Variants in C1QTNF3 observed in about 807,000 individuals in gnomAD.
C1QTNF3 encodes complement C1q tumor necrosis factor-related protein 3.
Under a neutral mutation model 32.6 loss-of-function variants are expected in C1QTNF3, and 26 were observed. The observed-to-expected ratio is 0.80, with a 90% CI of 0.58 to 1.11. C1QTNF3 has a LOEUF of 1.11. Ranked by LOEUF, C1QTNF3 falls within the 50% of genes least tolerant of loss-of-function variation. The probability of loss-of-function intolerance (pLI) is 0.00; values close to 1 mark genes in which losing one functional copy is unlikely to be tolerated. For missense variants in C1QTNF3, 362 were observed against 398.2 expected, an observed-to-expected ratio of 0.91 and a Z score of 0.77; for synonymous variants, 155 against 146.0, an observed-to-expected ratio of 1.06 and a Z score of -0.44.
chr5:34,143,537 A>T, the C1QTNF3 span, among the ~76,000 whole-genome samples: 1 of 152,218 alleles, frequency 6.6e-6, no homozygotes, highest in African/African-American at 2.4e-5. Flanking sequence ...AAGAAGAGTC[A>T]GGTCATATAT....
At chr5:34,239,621 G>A in the C1QTNF3 span, among the ~76,000 whole-genome samples, 1 of 151,924 alleles carries the variant, frequency 6.6e-6, no homozygotes, top group Non-Finnish European at 1.5e-5. Flanking sequence ...ACCCAACATG[G>A]AGCACCCAGA....
chr5:34,111,743 T>C, the C1QTNF3 span, among the ~76,000 whole-genome samples: 1 of 152,268 alleles, frequency 6.6e-6, no homozygotes, highest in Non-Finnish European at 1.5e-5. Flanking sequence ...ACCCAACAAA[T>C]TGGGTATGGC....
intron 5 of C1QTNF3, among the ~76,000 whole-genome samples, chr5:34,023,228 A>G (rs299609): frequency 0.42 from 63,289 of 151,876 alleles, 13,994 homozygotes; most frequent in South Asian, 0.66. Flanking sequence ...GAATAAACCC[A>G]CTCCCAACCT....
At chr5:34,244,392 A>G in the C1QTNF3 span, among the ~76,000 whole-genome samples, 6 of 152,190 alleles carry the variant, frequency 3.9e-5, no homozygotes, top group Admixed American at 2.0e-4. Context: ...CACACTGTGG[A>G]AAGGGACCCT....
the C1QTNF3 span, among the ~76,000 whole-genome samples, chr5:34,053,690 A>T: frequency 6.6e-6 from 1 of 152,200 alleles, no homozygotes; most frequent in Non-Finnish European, 1.5e-5. Context: ...CAGCCCATTT[A>T]ACCCATTTCC....
the C1QTNF3 span, among the ~76,000 whole-genome samples, chr5:34,223,721 G>A: frequency 2.6e-5 from 4 of 152,118 alleles, no homozygotes; most frequent in Admixed American, 1.3e-4. Flanking sequence ...TCTAACTGGT[G>A]TGAGATGGTA....
chr5:34,057,515 T>C, the C1QTNF3 span, among the ~76,000 whole-genome samples: 1 of 152,264 alleles, frequency 6.6e-6, no homozygotes, highest in African/African-American at 2.4e-5. Context: ...AGTGTCTGGC[T>C]ATCTCTAAGA....
upstream of C1QTNF3, among the ~76,000 whole-genome samples, chr5:34,046,687 T>C (rs577376353): frequency 6.6e-6 from 1 of 152,368 alleles, no homozygotes; most frequent in African/African-American, 2.4e-5. Context: ...ATCTCATTTG[T>C]AGCATTTTGC....
At chr5:34,214,607 A>G in the C1QTNF3 span, among the ~76,000 whole-genome samples, 19 of 152,252 alleles carry the variant, frequency 1.2e-4, no homozygotes, top group African/African-American at 2.4e-4. Context: ...TGTGGCATAC[A>G]GTAATTTATA....
At chr5:34,235,506 T>C in the C1QTNF3 span, among the ~76,000 whole-genome samples, 1 of 150,922 alleles carries the variant, frequency 6.6e-6, no homozygotes, top group African/African-American at 2.4e-5. Flanking sequence ...CTCAACTCTA[T>C]CCACTTTCTT....
chr5:34,203,088 CA>C, the C1QTNF3 span, among the ~76,000 whole-genome samples: 1 of 152,116 alleles, frequency 6.6e-6, no homozygotes, highest in Admixed American at 6.5e-5. Context: ...AAAGGTGTCC[CA>C]AACACAAAAA....
At chr5:34,047,412 C>T (rs1266761689), upstream of C1QTNF3, among the ~76,000 whole-genome samples, 1 of 152,152 alleles carries the variant, frequency 6.6e-6, no homozygotes, top group East Asian at 1.9e-4. Context: ...GTAGGTACTC[C>T]GTGGCCTCCC....
chr5:34,166,908 T>C, the C1QTNF3 span: 1 of 152,124 alleles, frequency 6.6e-6, no homozygotes, highest in Non-Finnish European at 1.5e-5. Flanking sequence ...TAGGGAATAA[T>C]GAACATCAAC....
the C1QTNF3 span, among the ~76,000 whole-genome samples, chr5:34,120,966 T>C: frequency 1.3e-5 from 2 of 152,328 alleles, no homozygotes; most frequent in South Asian, 4.1e-4. Flanking sequence ...AACCATTAAA[T>C]CCTTGTCTCC....
At chr5:34,154,003 T>C in the C1QTNF3 span, among the ~76,000 whole-genome samples, 3 of 150,076 alleles carry the variant, frequency 2.0e-5, no homozygotes, top group Non-Finnish European at 4.4e-5. Flanking sequence ...CACATAATTT[T>C]TGAATTATAC....
the C1QTNF3 span, among the ~76,000 whole-genome samples, chr5:34,124,773 C>T: frequency 1.3e-5 from 2 of 152,238 alleles, no homozygotes; most frequent in East Asian, 3.9e-4. Flanking sequence ...AGGAAGACTT[C>T]CTCAAATAGT....
At chr5:34,047,083 A>G (rs567150562), upstream of C1QTNF3, among the ~76,000 whole-genome samples, 226 of 152,348 alleles carry the variant, frequency 1.5e-3, 2 homozygotes, top group African/African-American at 5.2e-3. Context: ...TATGGGTTGA[A>G]TATTAAAACC....
At chr5:34,047,155 T>G (rs1755000523), upstream of C1QTNF3, among the ~76,000 whole-genome samples, 1 of 152,232 alleles carries the variant, frequency 6.6e-6, no homozygotes, top group African/African-American at 2.4e-5. Flanking sequence ...TGCACAGTTG[T>G]CTCTGGCTGT....
At chr5:34,226,226 AAG>A in the C1QTNF3 span, among the ~76,000 whole-genome samples, 1 of 152,044 alleles carries the variant, frequency 6.6e-6, no homozygotes, top group East Asian at 1.9e-4. Flanking sequence ...CACCCTACAA[AAG>A]AGAGAAAAAT....
Sources: gnomAD v4.1 joint callset for allele counts (sites outside exome capture counted in the v4.1 genomes callset) on GRCh38, gnomAD v4.1.1 for gene constraint, MANE v1.5 for transcripts, NCBI Gene and HGNC (gene_info 2026-07-23, HGNC 2026-07-21) for gene names.